The following DLG1 variants were observed in gnomAD, a reference collection of about 807,000 sequenced individuals.
The protein encoded by DLG1 is discs large MAGUK scaffold protein 1.
In DLG1, 42 loss-of-function variants were observed where a neutral mutation model predicts 123.4. The ratio of observed to expected loss-of-function variants is 0.34; its 90% CI spans 0.27 to 0.44. The LOEUF (loss-of-function observed/expected upper bound fraction) is 0.44, where lower values mean the gene tolerates loss of function less well. Ranked by LOEUF, DLG1 falls within the 20% of genes least tolerant of loss-of-function variation. DLG1 has a pLI of 1.00. For missense variants in DLG1, 942 were observed against 1,082.6 expected (o/e 0.87, Z 1.82); for synonymous variants, 317 against 356.2 (o/e 0.89, Z 1.24).
chr3:197,226,893 T>C (rs1180812044), intron 4 of DLG1, among the ~76,000 whole-genome samples: 1 of 152,234 alleles, frequency 6.6e-6, no homozygotes, highest in Non-Finnish European at 1.5e-5. Flanking sequence ...CATTAACTAA[T>C]TACATTCAAA....
At chr3:197,167,700 G>A (rs1051764417) in intron 5 of DLG1, among the ~76,000 whole-genome samples, 9 of 152,132 alleles carry the variant, frequency 5.9e-5, no homozygotes, top group Non-Finnish European at 1.3e-4. Flanking sequence ...ACTTTACTGA[G>A]GTAGAAGTGA....
At chr3:197,160,292 A>C (rs1404874278) in intron 5 of DLG1, among the ~76,000 whole-genome samples, 1 of 152,074 alleles carries the variant, frequency 6.6e-6, no homozygotes, top group Admixed American at 6.6e-5. Flanking sequence ...ACAAATTCTC[A>C]AAGGATTCCA....
intron 23 of DLG1, among the ~76,000 whole-genome samples, chr3:197,058,217 C>G (rs1043852435): frequency 6.6e-6 from 1 of 152,132 alleles, no homozygotes; most frequent in Non-Finnish European, 1.5e-5. Flanking sequence ...TGAACTCAAA[C>G]AATCCGCCCA....
intron 1 of DLG1, 132 bp from the exon 2 acceptor site, chr3:197,297,367 A>C (rs1196175164): frequency 6.8e-7 from 1 of 1,466,168 alleles, no homozygotes; most frequent in East Asian, 2.5e-5. Context: ...TCAAAGAAAG[A>C]GTCTCAAAAC....
At chr3:197,066,663 T>G in intron 20 of DLG1, 41 bp downstream of exon 20, 1 of 1,461,002 alleles carries the variant, frequency 6.8e-7, no homozygotes, top group Non-Finnish European at 9.3e-7. Context: ...AAAAAGTATA[T>G]TCTTCTAGAA....
chr3:197,215,321 T>G (rs1733546317), intron 4 of DLG1, among the ~76,000 whole-genome samples: 2 of 152,198 alleles, frequency 1.3e-5, no homozygotes, highest in African/African-American at 4.8e-5. Context: ...TAAATGTGAC[T>G]GGGATAATTG....
intron 5 of DLG1, among the ~76,000 whole-genome samples, chr3:197,180,640 TGTAAGCTATTTGGTTATCA>T (rs1577633615): frequency 6.6e-6 from 1 of 152,130 alleles, no homozygotes; most frequent in Non-Finnish European, 1.5e-5. Flanking sequence ...AGAGACAGTG[TGTAAGCTATTTGGTTATCA>T]CTACTGAGTG....
intron 4 of DLG1, among the ~76,000 whole-genome samples, chr3:197,230,184 A>G (rs535045482): frequency 1.6e-4 from 25 of 152,288 alleles, no homozygotes; most frequent in East Asian, 9.6e-4. Context: ...AAATAGAGGG[A>G]AAAAAAGATG....
intron 4 of DLG1, among the ~76,000 whole-genome samples, chr3:197,218,621 T>C (rs952848955): frequency 1.3e-5 from 2 of 152,228 alleles, no homozygotes; most frequent in East Asian, 1.9e-4. Context: ...CTTCTCCTGC[T>C]GTCTGAGATG....
chr3:197,282,766 T>C lies in DLG1; in HGVS notation c.231A>G (p.Gln77=). The C allele has an allele frequency of 9.3e-6, 15 of 1,612,212 alleles. No homozygotes were observed. Among genetic ancestry groups the C allele is most frequent in the Non-Finnish European group, 1.2e-5 (14 of 1,178,916 alleles). The change falls in exon 4 of 25, where the codon CAA becomes CAG. Residue 77 remains glutamine, a synonymous_variant. Coordinates refer to ENST00000667157, the MANE Select transcript of DLG1 (RefSeq NM_001366207.1). ...TGGAAATCTCCCAAGTATTCACAGG[T>C]TGAATTGGTTCAGACGGCTTTGAAC... The part of the protein sequence containing the change: ...IDRSKPSEPI[Q]PVNTWEISSL...
chr3:197,264,886 C>T (rs1339066083), intron 4 of DLG1, among the ~76,000 whole-genome samples: 3 of 152,176 alleles, frequency 2.0e-5, no homozygotes, highest in African/African-American at 4.8e-5. Flanking sequence ...AAGAGGAAGC[C>T]ACTTTCCCCT....
chr3:197,069,128 GT>G lies in DLG1; in HGVS notation c.2047+90del, dbSNP rs2148919961. 4 of 803,966 alleles carry G rather than the reference GT, an allele frequency of 5.0e-6. No individual in the cohort carries two copies. The South Asian group carries it at 8.1e-5, about 16-fold the overall frequency. The allele number at this position is 803,966 out of a possible 1,614,324, so 49.8% of individuals were successfully genotyped here. ...TAAAATAACGATCATATAACTTCAG[GT>G]TTTTATAACATATCACTCAGAATCC... On this transcript the variant is annotated intron_variant, in intron 19 of 24. Coordinates refer to ENST00000667157, the MANE Select transcript of DLG1 (RefSeq NM_001366207.1).
chr3:197,061,423 A>G (rs935731455), intron 22 of DLG1, among the ~76,000 whole-genome samples: 1 of 152,224 alleles, frequency 6.6e-6, no homozygotes, highest in African/African-American at 2.4e-5. Context: ...AAACAATGGC[A>G]TCTCTTACAT....
chr3:197,075,150 A>G (rs1442989518), intron 18 of DLG1, among the ~76,000 whole-genome samples: 1 of 151,914 alleles, frequency 6.6e-6, no homozygotes, highest in Non-Finnish European at 1.5e-5. Flanking sequence ...CATTTATTGA[A>G]TGTCTTCTAC....
intron 5 of DLG1, among the ~76,000 whole-genome samples, chr3:197,179,813 C>G (rs1347834132): frequency 6.6e-6 from 1 of 152,078 alleles, no homozygotes; most frequent in Admixed American, 6.6e-5. Context: ...CTGTTTCAGA[C>G]AAACAATATT....
intron 4 of DLG1, among the ~76,000 whole-genome samples, chr3:197,253,084 A>G (rs1363829606): frequency 6.6e-6 from 1 of 152,210 alleles, no homozygotes; most frequent in African/African-American, 2.4e-5. Context: ...ATCAAAATTA[A>G]AAGGTTTTGT....
intron 4 of DLG1, among the ~76,000 whole-genome samples, chr3:197,233,860 T>C (rs1238128285): frequency 3.3e-5 from 5 of 152,244 alleles, no homozygotes; most frequent in Non-Finnish European, 5.9e-5. Flanking sequence ...ATGACTCCTA[T>C]CTCATACAGT....
chr3:197,198,487 C>A (rs372999632), intron 4 of DLG1, among the ~76,000 whole-genome samples: 1,552 of 108,814 alleles, frequency 0.014, 1 homozygote, highest in African/African-American at 0.015. Flanking sequence ...ACTCAGTCTC[C>A]AAAAAAAAAA....
At chr3:197,220,997 A>G (rs1408130340) in intron 4 of DLG1, among the ~76,000 whole-genome samples, 3 of 152,230 alleles carry the variant, frequency 2.0e-5, no homozygotes, top group Non-Finnish European at 2.9e-5. Flanking sequence ...ATTATTTATT[A>G]CACAGTATTT....
Sources: allele counts gnomAD v4.1 joint callset (sites outside exome capture counted in the v4.1 genomes callset), GRCh38; gene constraint gnomAD v4.1.1; transcripts MANE v1.5; gene names NCBI Gene and HGNC (gene_info 2026-07-23, HGNC 2026-07-21).